MATN2: variants seen among roughly 807,000 people sequenced by gnomAD.
The protein encoded by MATN2 is matrilin 2, also known as matrilin-2.
A neutral mutation model predicts 103.2 loss-of-function variants in MATN2; 69 were observed. That is an observed-to-expected ratio of 0.67 (90% CI 0.55 to 0.82). The LOEUF (loss-of-function observed/expected upper bound fraction) is 0.82. MATN2 is among the 40% of genes least tolerant of loss of function. The probability of loss-of-function intolerance (pLI) is 0.00; values close to 1 mark genes in which losing one functional copy is unlikely to be tolerated. For synonymous variants in MATN2, 429 were observed against 450.2 expected, an observed-to-expected ratio of 0.95 and a Z score of 0.60; for missense variants, 1,023 against 1,211.5, an observed-to-expected ratio of 0.84 and a Z score of 2.31.
intron 2 of MATN2, among the ~76,000 whole-genome samples, chr8:97,903,304 G>T (rs1819050985): frequency 6.6e-6 from 1 of 152,086 alleles, no homozygotes; most frequent in Non-Finnish European, 1.5e-5. Context: ...ACTTGGGTGT[G>T]GTTATAATGC....
At chr8:97,939,576 G>A (rs1274422262) in intron 3 of MATN2, among the ~76,000 whole-genome samples, 3 of 152,240 alleles carry the variant, frequency 2.0e-5, no homozygotes, top group Non-Finnish European at 2.9e-5. Flanking sequence ...CTGGAGCCCC[G>A]GAGATTGAGG....
chr8:97,877,360 C>A (rs1489934765), intron 1 of MATN2, among the ~76,000 whole-genome samples: 10 of 151,792 alleles, frequency 6.6e-5, no homozygotes, highest in Admixed American at 6.6e-4. Context: ...GCCTGTAATC[C>A]CAGCTACTCT....
At chr8:98,034,800 C>T (rs1453069706) in intron 18 of MATN2, among the ~76,000 whole-genome samples, 3 of 151,926 alleles carry the variant, frequency 2.0e-5, no homozygotes, top group African/African-American at 4.8e-5. Flanking sequence ...TTTCCAAGGC[C>T]GAATTCTTTC....
At chr8:97,912,299 G>C (rs1006381677) in intron 2 of MATN2, among the ~76,000 whole-genome samples, 6 of 152,138 alleles carry the variant, frequency 3.9e-5, no homozygotes, top group Non-Finnish European at 7.3e-5. Flanking sequence ...TTGCAGAAGA[G>C]CCTAGAAACC....
At chr8:97,940,977 A>G (rs182513094) in intron 3 of MATN2, among the ~76,000 whole-genome samples, 16 of 151,938 alleles carry the variant, frequency 1.1e-4, no homozygotes, top group Middle Eastern at 3.4e-3. Flanking sequence ...TGGGCAACAT[A>G]GTGAAACCCT....
At chr8:98,004,117 T>C in intron 8 of MATN2, 3 of 260,226 alleles carry the variant, frequency 1.2e-5, no homozygotes, top group Non-Finnish European at 1.6e-5. Context: ...TGAAACCCTA[T>C]CTCTACTAAA....
intron 3 of MATN2, among the ~76,000 whole-genome samples, chr8:97,934,097 A>C (rs989955252): frequency 1.3e-5 from 2 of 152,172 alleles, no homozygotes; most frequent in African/African-American, 4.8e-5. Context: ...TCCTCTTTTA[A>C]GGTAAACCAT....
At position 97,975,561 on chromosome 8, in the gene MATN2, C is replaced by A. The variant is rs149288602; in HGVS notation, c.959-3325C>A. On this transcript the variant is annotated intron_variant, in intron 5 of 18. Transcript: ENST00000254898. The stretch of plus-strand genomic sequence containing the variant: ...AGTTTCTGACTTTTAGGTATAGAGA[C>A]CTGACCACTCATTGTTGCAGCACCA... Among the ~76,000 whole-genome samples the A allele has an allele frequency of 2.8e-3, 423 of 152,264 alleles. 4 individuals are homozygous for A. The highest frequency in any genetic ancestry group is 9.0e-3 in the African/African-American group (373 of 41,536).
chr8:97,959,986 G>A (rs1811253235), intron 4 of MATN2, among the ~76,000 whole-genome samples: 1 of 152,030 alleles, frequency 6.6e-6, no homozygotes, highest in Non-Finnish European at 1.5e-5. Context: ...GTCTTGTTCT[G>A]TCGCCCAGGC....
chr8:97,956,930 C>CATTCAGCA (rs1217050854), intron 4 of MATN2, among the ~76,000 whole-genome samples: 1 of 152,174 alleles, frequency 6.6e-6, no homozygotes, highest in Non-Finnish European at 1.5e-5. Flanking sequence ...TTTCATTGTT[C>CATTCAGCA]ATTCAGCAAA....
Position 98,016,499 on chromosome 8 carries a change from A to G in MATN2, c.1574-41A>G, listed in dbSNP as rs775960016. 5 of 1,573,038 alleles carry G rather than the reference A, an allele frequency of 3.2e-6. No individual in the cohort carries two copies. The South Asian group carries it at 5.8e-5, about 18-fold the overall frequency. On this transcript the variant is annotated intron_variant, in intron 10 of 18. Transcript: ENST00000254898. ...TGAATAAGCCACTAATATATGAGTC[A>G]TTTTCTTCTTCTGTTTCTCTAATTC...
chr8:98,021,123 C>A, intron 12 of MATN2, 82 bp from the exon 13 acceptor site: 1 of 1,356,012 alleles, frequency 7.4e-7, no homozygotes, highest in Non-Finnish European at 1.0e-6. Context: ...GAGATTACTT[C>A]CACAATCTCT....
At chr8:97,997,917 T>G (rs1044175214) in intron 7 of MATN2, among the ~76,000 whole-genome samples, 1 of 149,062 alleles carries the variant, frequency 6.7e-6, no homozygotes, top group African/African-American at 2.5e-5. Context: ...TCTCCCAGGC[T>G]CAGGTGATTG....
rs71570278 is a variant in MATN2 at position 97,980,558 on chromosome 8, CTTTTTTTTTTT to C, written c.1081+1564_1081+1574del. ...GCCTACTGCATAGCATTATTCTTTC[CTTTTTTTTTTT>C]TTTTTTTTTTTTTGACACTGGGTCT... On this transcript the variant is annotated intron_variant, in intron 6 of 18. Transcript: ENST00000254898. 2.6e-3 allele frequency among the ~76,000 whole-genome samples: 248 copies of C among 94,106 alleles called. 2 individuals are homozygous for C. The highest frequency in any genetic ancestry group is 0.01 in the African/African-American group (227 of 21,862). 61.7% of individuals were successfully genotyped at this position (94,106 alleles called of 152,430 possible). A position where few individuals can be genotyped will look rare whatever the true frequency, so the allele number is the denominator to read the frequency against.
intron 5 of MATN2, among the ~76,000 whole-genome samples, chr8:97,972,309 A>G (rs1811678581): frequency 6.7e-6 from 1 of 148,572 alleles, no homozygotes; most frequent in African/African-American, 2.5e-5. Flanking sequence ...ACTGCATTAG[A>G]GCCTGGGCGA....
At chr8:97,926,993 C>T (rs1810008228) in intron 2 of MATN2, among the ~76,000 whole-genome samples, 1 of 152,164 alleles carries the variant, frequency 6.6e-6, no homozygotes, top group South Asian at 2.1e-4. Context: ...CCAGAGAGCT[C>T]TCTATTTCTT....
At chr8:97,988,167 A>AT (rs1187704584) in intron 6 of MATN2, among the ~76,000 whole-genome samples, 2,912 of 57,532 alleles carry the variant, frequency 0.051, 60 homozygotes, top group Admixed American at 0.11. Flanking sequence ...AAAAAAAAAA[A>AT]AAAAATATAT....
At chr8:97,971,980 G>A (rs1224055799) in intron 5 of MATN2, among the ~76,000 whole-genome samples, 3 of 151,804 alleles carry the variant, frequency 2.0e-5, no homozygotes, top group Non-Finnish European at 4.4e-5. Flanking sequence ...CAGATCTCTT[G>A]AGCTCAGGAG....
chr8:98,030,314 A>G (rs1813966747), intron 14 of MATN2, 148 bp from the exon 15 acceptor site: 1 of 632,568 alleles, frequency 1.6e-6, no homozygotes, highest in Admixed American at 3.1e-5. Context: ...CAAAATAAAA[A>G]TGGTAGAAAA....
Sources: gnomAD v4.1 joint callset for allele counts (sites outside exome capture counted in the v4.1 genomes callset) on GRCh38, gnomAD v4.1.1 for gene constraint, MANE v1.5 for transcripts, NCBI Gene and HGNC (gene_info 2026-07-23, HGNC 2026-07-21) for gene names.